Variants in DCC observed in about 807,000 individuals in gnomAD.
DCC encodes the protein DCC netrin 1 receptor.
Under a neutral mutation model 172.5 loss-of-function variants are expected in DCC, and 58 were observed. The ratio of observed to expected loss-of-function variants is 0.34; its 90% CI spans 0.27 to 0.42. The LOEUF is 0.42. Ranked by LOEUF, DCC falls within the 10% of genes least tolerant of loss-of-function variation. DCC has a pLI of 1.00. For missense variants in DCC, 1,740 were observed against 1,791.0 expected, an observed-to-expected ratio of 0.97 and a Z score of 0.51; for synonymous variants, 709 against 644.5, an observed-to-expected ratio of 1.10 and a Z score of -1.52.
rs764465460 is a variant in DCC at position 53,339,684 on chromosome 18, T to G, written c.2165-29T>G. ...GTGCTACATTTTCTGTTATGAGACA[T>G]GCTGATGATGCCTCTTTTTGAATGC... On this transcript the variant is annotated intron_variant, in intron 14 of 28. Transcript: ENST00000442544. 22 of 1,581,190 alleles carry G rather than the reference T, an allele frequency of 1.4e-5. No individual in the cohort carries two copies. In the South Asian group the frequency reaches 2.0e-4, roughly 14 times the overall value.
chr18:52,404,367 T>A (rs1986554347), intron 1 of DCC, among the ~76,000 whole-genome samples: 1 of 151,244 alleles, frequency 6.6e-6, no homozygotes, highest in South Asian at 2.1e-4. Context: ...TCTTCTTAGA[T>A]GGCGAGCATC....
chr18:53,420,911 G>T (rs189201891), intron 21 of DCC, among the ~76,000 whole-genome samples: 1 of 152,300 alleles, frequency 6.6e-6, no homozygotes, highest in Non-Finnish European at 1.5e-5. Context: ...AGAATTAGCT[G>T]TTGGCAGAGT....
chr18:52,556,936 C>G (rs2032930678), intron 1 of DCC, among the ~76,000 whole-genome samples: 1 of 152,166 alleles, frequency 6.6e-6, no homozygotes, highest in African/African-American at 2.4e-5. Flanking sequence ...ATGGCTATAA[C>G]AACATTTTGG....
chr18:52,637,163 G>C (rs2034797188), intron 1 of DCC, among the ~76,000 whole-genome samples: 1 of 152,142 alleles, frequency 6.6e-6, no homozygotes, highest in Non-Finnish European at 1.5e-5. Flanking sequence ...AAAAGAATCT[G>C]AACAACAGAC....
At chr18:52,702,565 C>T (rs150852371) in intron 1 of DCC, among the ~76,000 whole-genome samples, 1 of 152,214 alleles carries the variant, frequency 6.6e-6, no homozygotes, top group Non-Finnish European at 1.5e-5. Flanking sequence ...CATATTTCTG[C>T]TTGTTGACCT....
At chr18:52,955,775 T>C (rs948908767) in intron 5 of DCC, among the ~76,000 whole-genome samples, 1 of 152,088 alleles carries the variant, frequency 6.6e-6, no homozygotes, top group African/African-American at 2.4e-5. Flanking sequence ...ATTTTTTGTT[T>C]TTATTTTTAA....
At chr18:53,412,973 C>A (rs1314300658) in intron 20 of DCC, among the ~76,000 whole-genome samples, 1 of 152,108 alleles carries the variant, frequency 6.6e-6, no homozygotes, top group Non-Finnish European at 1.5e-5. Context: ...CACATAGGAA[C>A]CTGCACATAC....
chr18:53,291,004 C>T (rs1227734149), intron 12 of DCC, among the ~76,000 whole-genome samples: 1 of 151,918 alleles, frequency 6.6e-6, no homozygotes, highest in African/African-American at 2.4e-5. Flanking sequence ...CCTGTCTCTA[C>T]TAAAAATACA....
At chr18:53,277,614 A>G (rs2056821158) in intron 12 of DCC, among the ~76,000 whole-genome samples, 1 of 152,126 alleles carries the variant, frequency 6.6e-6, no homozygotes, top group South Asian at 2.1e-4. Context: ...AATACAGTTA[A>G]GCAGAAAATC....
chr18:52,572,312 G>A (rs2033318362), intron 1 of DCC, among the ~76,000 whole-genome samples: 2 of 152,090 alleles, frequency 1.3e-5, no homozygotes, highest in Admixed American at 1.3e-4. Context: ...AGGAGGGAAA[G>A]GAAAAATCTC....
At chr18:52,465,456 A>C (rs1988758762) in intron 1 of DCC, among the ~76,000 whole-genome samples, 1 of 152,034 alleles carries the variant, frequency 6.6e-6, no homozygotes, top group Non-Finnish European at 1.5e-5. Context: ...CTCACCATGG[A>C]CCTTTATTTC....
At chr18:53,006,075 T>C (rs974339276) in intron 5 of DCC, among the ~76,000 whole-genome samples, 2 of 152,218 alleles carry the variant, frequency 1.3e-5, no homozygotes, top group Non-Finnish European at 2.9e-5. Flanking sequence ...TTTTAGCATT[T>C]TTGCAGTCCA....
At chr18:53,318,804 T>A (rs904315136) in intron 13 of DCC, among the ~76,000 whole-genome samples, 1 of 144,238 alleles carries the variant, frequency 6.9e-6, no homozygotes. Context: ...CCAAGATACA[T>A]AATGGTCAGA....
chr18:52,759,948 T>A (rs2037132837), intron 2 of DCC, among the ~76,000 whole-genome samples: 1 of 152,210 alleles, frequency 6.6e-6, no homozygotes, highest in Non-Finnish European at 1.5e-5. Flanking sequence ...AAAACATGAT[T>A]GGACAGAGAG....
At chr18:53,377,642 T>A (rs531501452) in intron 15 of DCC, among the ~76,000 whole-genome samples, 2 of 152,268 alleles carry the variant, frequency 1.3e-5, no homozygotes, top group African/African-American at 4.8e-5. Context: ...AATAAATATT[T>A]ATGGAGTCCT....
intron 7 of DCC, among the ~76,000 whole-genome samples, chr18:53,086,038 C>T (rs1488152088): frequency 0.025 from 13 of 516 alleles, no homozygotes; most frequent in African/African-American, 0.083. Context: ...CTCCCTCTCC[C>T]TCTCCCTCTC....
intron 1 of DCC, among the ~76,000 whole-genome samples, chr18:52,538,168 C>A (rs145145604): frequency 3.3e-5 from 5 of 152,304 alleles, no homozygotes; most frequent in Non-Finnish European, 7.4e-5. Flanking sequence ...TCCGAAGTCT[C>A]CCAGTAGTCT....
chr18:53,057,954 G>A (rs763894172), intron 5 of DCC, among the ~76,000 whole-genome samples: 22 of 152,048 alleles, frequency 1.4e-4, no homozygotes, highest in Non-Finnish European at 2.8e-4. Flanking sequence ...CACAGAGATA[G>A]ACCACTGCAA....
At chr18:52,809,248 G>A (rs1341551476) in intron 2 of DCC, 1 of 152,440 alleles carries the variant, frequency 6.6e-6, no homozygotes, top group African/African-American at 2.4e-5. Context: ...ATACCCTAAA[G>A]TACAATTAAA....
Sources: allele counts gnomAD v4.1 joint callset (sites outside exome capture counted in the v4.1 genomes callset), GRCh38; gene constraint gnomAD v4.1.1; transcripts MANE v1.5; gene names NCBI Gene and HGNC (gene_info 2026-07-23, HGNC 2026-07-21).